Variants in LAMA2 observed in about 807,000 individuals in gnomAD.
LAMA2 encodes the protein laminin subunit alpha-2.
In LAMA2, 269 loss-of-function variants were observed where a neutral mutation model predicts 364.8. The observed-to-expected ratio is 0.74, with a 90% CI of 0.67 to 0.82. LAMA2 has a LOEUF of 0.82. LAMA2 is among the 40% of genes least tolerant of loss of function. The pLI is 0.00. For synonymous variants in LAMA2, 1,379 were observed against 1,370.6 expected, an observed-to-expected ratio of 1.01 and a Z score of -0.14; for missense variants, 3,807 against 3,873.2, an observed-to-expected ratio of 0.98 and a Z score of 0.45.
chr6:128,917,742 T>TA (rs1562828023), intron 1 of LAMA2, among the ~76,000 whole-genome samples: 6 of 129,720 alleles, frequency 4.6e-5, no homozygotes, highest in African/African-American at 1.7e-4. Flanking sequence ...TTCTTTTTTT[T>TA]TTTTTTTTTG....
At chr6:129,045,340 G>A (rs1420188566) in intron 1 of LAMA2, among the ~76,000 whole-genome samples, 1 of 152,062 alleles carries the variant, frequency 6.6e-6, no homozygotes, top group Non-Finnish European at 1.5e-5. Flanking sequence ...GCATGGTGAG[G>A]GATAAGTTAT....
intron 15 of LAMA2, among the ~76,000 whole-genome samples, chr6:129,263,223 T>C (rs1195155243): frequency 6.6e-6 from 1 of 152,266 alleles, no homozygotes; most frequent in African/African-American, 2.4e-5. Context: ...ACAGGGAAAA[T>C]AGTGCCATTA....
intron 9 of LAMA2, among the ~76,000 whole-genome samples, chr6:129,170,031 C>T (rs1359874477): frequency 6.6e-6 from 1 of 151,592 alleles, no homozygotes; most frequent in Non-Finnish European, 1.5e-5. Flanking sequence ...TTTTTTATTG[C>T]ATCTATTAGA....
At chr6:128,929,097 G>T in intron 1 of LAMA2, 1 of 1,455,670 alleles carries the variant, frequency 6.9e-7, no homozygotes. Flanking sequence ...ACTGTGGACC[G>T]CAGCAGCGTT....
At chr6:129,418,804 A>G (rs1026902666) in intron 40 of LAMA2, among the ~76,000 whole-genome samples, 1 of 152,112 alleles carries the variant, frequency 6.6e-6, no homozygotes. Flanking sequence ...TGATTCCTCC[A>G]TTGGCTTAAT....
At chr6:129,409,760 G>A (rs1780432988) in intron 40 of LAMA2, among the ~76,000 whole-genome samples, 1 of 152,148 alleles carries the variant, frequency 6.6e-6, no homozygotes, top group African/African-American at 2.4e-5. Flanking sequence ...AAGGACTATT[G>A]GATCTGCTAG....
chr6:128,895,446 C>A (rs1041616062), intron 1 of LAMA2, among the ~76,000 whole-genome samples: 3 of 112,808 alleles, frequency 2.7e-5, no homozygotes, highest in African/African-American at 6.8e-5. Context: ...TCCTGGCTAA[C>A]ATGGTGAAAC....
At chr6:129,445,972 G>C in intron 45 of LAMA2, 151 bp downstream of exon 45, 1 of 688,698 alleles carries the variant, frequency 1.5e-6, no homozygotes, top group Non-Finnish European at 2.5e-6. Context: ...GTTGGAGTGG[G>C]GGAGAGGTTA....
intron 62 of LAMA2, among the ~76,000 whole-genome samples, chr6:129,511,749 T>C (rs1051190853): frequency 7.5e-6 from 1 of 133,310 alleles, no homozygotes; most frequent in Non-Finnish European, 1.7e-5. Flanking sequence ...AAGAGTCAAA[T>C]ATGGAAAATC....
chr6:129,318,548 G>A (rs1774758740), intron 27 of LAMA2, among the ~76,000 whole-genome samples: 2 of 152,100 alleles, frequency 1.3e-5, no homozygotes, highest in Admixed American at 1.3e-4. Flanking sequence ...TAGCTCCTCG[G>A]GCTATAAAAT....
At chr6:129,172,443 G>T (rs571720889) in intron 9 of LAMA2, among the ~76,000 whole-genome samples, 49 of 152,348 alleles carry the variant, frequency 3.2e-4, no homozygotes, top group African/African-American at 1.2e-3. Flanking sequence ...CGTGTGAGGT[G>T]TCAGTGTGCC....
intron 1 of LAMA2, among the ~76,000 whole-genome samples, chr6:128,955,590 GTTTC>G (rs776791179): frequency 4.0e-5 from 6 of 151,774 alleles, no homozygotes; most frequent in Non-Finnish European, 8.9e-5. Context: ...ACATTTAAGA[GTTTC>G]TTTCTTCTAT....
At chr6:129,382,038 A>T (rs1304596963) in intron 34 of LAMA2, among the ~76,000 whole-genome samples, 1 of 152,206 alleles carries the variant, frequency 6.6e-6, no homozygotes, top group East Asian at 1.9e-4. Flanking sequence ...AGTTCTATTT[A>T]AAATCCACTT....
Position 128,883,336 on chromosome 6 carries a change from T to C in LAMA2, c.91T>C (p.Ser31Pro). Reference protein sequence around the residue: ...QAQRPQQQRQSQAHQQRGLFP... With the variant: ...QAQRPQQQRQPQAHQQRGLFP... ...GCAGCGGCCGCAGCAGCAGCGGCAG[T>C]CACAGGCACATCAGCAAAGAGGTAC... The change falls in exon 1 of 65, where the codon TCA becomes CCA. Residue 31 changes from serine to proline, a missense_variant. This residue lies in a region of LAMA2 where 394 missense variants were observed against 403.5 expected (regional missense o/e 0.98). Coordinates refer to ENST00000421865, the MANE Select transcript of LAMA2 (RefSeq NM_000426.4). 6.3e-7 allele frequency: 1 copy of C among 1,598,730 alleles called. No homozygotes were observed.
In LAMA2 at chr6:129,342,324, T is replaced by C; in HGVS notation, c.4312-19T>C. The C allele has an allele frequency of 6.2e-7, 1 of 1,608,690 alleles. No individual in the cohort carries two copies. Among genetic ancestry groups the C allele is most frequent in the Non-Finnish European group, 8.5e-7 (1 of 1,175,878 alleles). On this transcript the variant is annotated intron_variant, in intron 29 of 64. Coordinates refer to ENST00000421865, the MANE Select transcript of LAMA2 (RefSeq NM_000426.4). ...ATCACTAAATTAAAAACAAACTTCTTCTCCCTTTTCCTTTACAGAATTGTC... is the reference window on the plus strand; with the variant it reads ...ATCACTAAATTAAAAACAAACTTCTCCTCCCTTTTCCTTTACAGAATTGTC...
rs141671492 is a variant in LAMA2 at position 129,478,476 on chromosome 6, G to A, written c.7452-217G>A. On this transcript the variant is annotated intron_variant, in intron 53 of 64. Coordinates refer to ENST00000421865, the MANE Select transcript of LAMA2 (RefSeq NM_000426.4). ...GTGAGATTATTGCTAAAGGGGAGAA[G>A]GACTACAAAAAGACTCCTTCTGCAG... Among the ~76,000 whole-genome samples the A allele has an allele frequency of 3.5e-3, 538 of 152,146 alleles. No individual in the cohort carries two copies. The highest frequency in any genetic ancestry group is 0.013 in the African/African-American group (524 of 41,506).
intron 4 of LAMA2, among the ~76,000 whole-genome samples, chr6:129,121,623 G>C (rs1391948092): frequency 1.3e-5 from 2 of 152,060 alleles, no homozygotes; most frequent in Admixed American, 1.3e-4. Context: ...CTCAAATCTG[G>C]AAATTGTAGG....
chr6:129,382,284 A>G (rs1470262954), intron 34 of LAMA2, among the ~76,000 whole-genome samples: 1 of 152,264 alleles, frequency 6.6e-6, no homozygotes, highest in Non-Finnish European at 1.5e-5. Flanking sequence ...TAAACCTTTC[A>G]GGGTACTCTA....
At chr6:129,294,044 G>A (rs954378270) in intron 20 of LAMA2, among the ~76,000 whole-genome samples, 2 of 152,154 alleles carry the variant, frequency 1.3e-5, no homozygotes, top group African/African-American at 4.8e-5. Context: ...TTTCCTGGGG[G>A]AAAGGCCAAC....
Sources: allele counts gnomAD v4.1 joint callset (sites outside exome capture counted in the v4.1 genomes callset), GRCh38; gene constraint gnomAD v4.1.1; regional missense constraint gnomAD v4.1.1; transcripts MANE v1.5; gene names NCBI Gene and HGNC (gene_info 2026-07-23, HGNC 2026-07-21).